Variants in RNFT2 observed in about 807,000 individuals in gnomAD.
RNFT2 encodes ring finger protein, transmembrane 2.
In RNFT2, 36 loss-of-function variants were observed where a neutral mutation model predicts 53.0. That is an observed-to-expected ratio of 0.68 (90% CI 0.52 to 0.90). RNFT2 has a LOEUF of 0.90. Ranked by LOEUF, RNFT2 falls within the 40% of genes least tolerant of loss-of-function variation. RNFT2 has a pLI of 0.00. For missense variants in RNFT2, 514 were observed against 585.6 expected, an observed-to-expected ratio of 0.88 and a Z score of 1.26; for synonymous variants, 260 against 253.2, an observed-to-expected ratio of 1.03 and a Z score of -0.26.
At chr12:116,748,754 G>T in intron 3 of RNFT2, 1 of 420,966 alleles carries the variant, frequency 2.4e-6, no homozygotes, top group South Asian at 1.7e-5. Flanking sequence ...GGTAATTCTA[G>T]AATCATAGAA....
At chr12:116,818,879 C>T (rs1045674811) in intron 7 of RNFT2, among the ~76,000 whole-genome samples, 2 of 152,164 alleles carry the variant, frequency 1.3e-5, no homozygotes, top group Admixed American at 1.3e-4. Flanking sequence ...CAAGTGGGAC[C>T]GTTACCACTG....
chr12:116,828,103 G>A (rs1240426260), intron 7 of RNFT2, among the ~76,000 whole-genome samples: 4 of 152,012 alleles, frequency 2.6e-5, no homozygotes, highest in Non-Finnish European at 5.9e-5. Flanking sequence ...GACGAAGCAG[G>A]AGGCTGCCCA....
At chr12:116,779,999 C>T (rs184158572) in intron 7 of RNFT2, among the ~76,000 whole-genome samples, 21 of 152,278 alleles carry the variant, frequency 1.4e-4, no homozygotes, top group Admixed American at 1.0e-3. Context: ...GAATCTGGAC[C>T]GAAGCAGGTG....
At chr12:116,832,138 A>ATATATAT (rs1479850265) in intron 7 of RNFT2, among the ~76,000 whole-genome samples, 2 of 60,084 alleles carry the variant, frequency 3.3e-5, no homozygotes, top group African/African-American at 1.2e-4. Context: ...CTCAAAAAAA[A>ATATATAT]AAAAAAAAAA....
At chr12:116,765,824 G>A (rs1156925559) in intron 5 of RNFT2, among the ~76,000 whole-genome samples, 4 of 152,148 alleles carry the variant, frequency 2.6e-5, no homozygotes, top group Non-Finnish European at 5.9e-5. Context: ...GGCATTCCAT[G>A]GAATGGTCAG....
rs1203678422 is a variant in RNFT2 at position 116,738,356 on chromosome 12, G to A, written c.-168G>A. On this transcript the variant is annotated 5_prime_UTR_variant, in exon 1 of 11. Transcript: ENST00000257575. ...CCTGAATGATGCGGCTGTGATTGCTGAATTGTCTGGGCAGGTAAAAAGAGA... is the reference window on the plus strand; with the variant it reads ...CCTGAATGATGCGGCTGTGATTGCTAAATTGTCTGGGCAGGTAAAAAGAGA... The A allele has an allele frequency of 6.6e-6, 1 of 151,886 alleles. No individual in the cohort carries two copies. Among genetic ancestry groups the A allele is most frequent in the African/African-American group, 2.4e-5 (1 of 41,358 alleles). The allele number at this position is 151,886 out of a possible 1,614,324, so 9.4% of individuals were successfully genotyped here. A position where few individuals can be genotyped will look rare whatever the true frequency, so the allele number is the denominator to read the frequency against.
chr12:116,788,812 GTGGATGGATGGATAGATGGATGGA>G (rs1213133094), intron 7 of RNFT2, among the ~76,000 whole-genome samples: 1 of 98,964 alleles, frequency 1.0e-5, no homozygotes, highest in East Asian at 2.9e-4. Flanking sequence ...GGGAAGTTTG[GTGGATGGATGGATAGATGGATGGA>G]TGGATGGATG....
rs953798091 is a variant in RNFT2, at chr12:116,849,316, C to T, written c.1203C>T (p.His401=). 9 of 1,538,362 alleles carry T rather than the reference C, an allele frequency of 5.9e-6. No homozygotes were observed. In the African/African-American group the frequency reaches 6.9e-5, roughly 12 times the overall value. The change falls in exon 11 of 11, where the codon CAC becomes CAT. Residue 401 remains histidine (H), a splice_region_variant and synonymous_variant. Coordinates refer to ENST00000257575, the MANE Select transcript of RNFT2 (RefSeq NM_001382266.1). ...FREPLILLCQ[H]VFCEECLCLW... is the part of the protein sequence containing the mutation. ...CCTGCTGATTGCTGTCCCCGCAGCA[C>T]GTGTTCTGTGAGGAGTGCCTCTGCC...
intron 4 of RNFT2, among the ~76,000 whole-genome samples, chr12:116,750,831 T>C (rs7967983): frequency 0.32 from 1,018 of 3,172 alleles, 50 homozygotes; most frequent in Non-Finnish European, 0.37. Flanking sequence ...ATATATATAA[T>C]ATATATATTA....
Position 116,852,256 on chromosome 12 carries a change from C to G in RNFT2, c.*2808C>G, listed in dbSNP as rs1476509102. ...GCTAGTGGGCAGATTACCATGCAAG[C>G]CCCAGGAGAAATGGAGGAGCTTTGT... is the stretch of plus-strand genomic sequence containing the variant. On this transcript the variant is annotated 3_prime_UTR_variant, in exon 11 of 11. Transcript: ENST00000257575. 7.9e-7 allele frequency: 1 copy of G among 1,265,262 alleles called. No individual in the cohort carries two copies. Among genetic ancestry groups the G allele is most frequent in the Non-Finnish European group, 1.0e-6 (1 of 1,004,064 alleles). 78.4% of individuals were successfully genotyped at this position (1,265,262 alleles called of 1,614,324 possible). A position where few individuals can be genotyped will look rare whatever the true frequency, so the allele number is the denominator to read the frequency against.
chr12:116,797,538 C>CAAAA (rs200259830), intron 7 of RNFT2, among the ~76,000 whole-genome samples: 43 of 131,152 alleles, frequency 3.3e-4, no homozygotes, highest in African/African-American at 1.1e-3. Flanking sequence ...CTGTCTATCT[C>CAAAA]AAAAAAAAAA....
chr12:116,751,249 T>C (rs953554563), intron 4 of RNFT2, among the ~76,000 whole-genome samples: 1 of 151,912 alleles, frequency 6.6e-6, no homozygotes, highest in African/African-American at 2.4e-5. Context: ...TTGAAATATT[T>C]AACATAGAGC....
At chr12:116,772,166 A>T (rs1478831455) in intron 6 of RNFT2, among the ~76,000 whole-genome samples, 1 of 152,146 alleles carries the variant, frequency 6.6e-6, no homozygotes, top group Non-Finnish European at 1.5e-5. Context: ...ATCATGGCTC[A>T]CTGCAGCCTT....
At chr12:116,745,175 T>A (rs1038274573) in intron 3 of RNFT2, among the ~76,000 whole-genome samples, 33 of 145,458 alleles carry the variant, frequency 2.3e-4, no homozygotes, top group Non-Finnish European at 4.5e-4. Context: ...TGCACCAGAT[T>A]TTTTTTTTTT....
At chr12:116,773,020 G>C (rs1157849883) in intron 6 of RNFT2, among the ~76,000 whole-genome samples, 2 of 151,788 alleles carry the variant, frequency 1.3e-5, no homozygotes, top group Admixed American at 6.6e-5. Flanking sequence ...GTAGAGACAG[G>C]GTTTCACCAA....
chr12:116,771,277 T>C (rs1190528367), intron 6 of RNFT2, among the ~76,000 whole-genome samples: 3 of 151,614 alleles, frequency 2.0e-5, no homozygotes, highest in African/African-American at 2.4e-5. Flanking sequence ...CTGGGCAACA[T>C]GGTGAGACTC....
At position 116,835,888 on chromosome 12, in the gene RNFT2, G is replaced by A. The variant is rs573579738; in HGVS notation, c.1033-72G>A. On this transcript the variant is annotated intron_variant, in intron 8 of 10. Coordinates refer to ENST00000257575, the MANE Select transcript of RNFT2 (RefSeq NM_001382266.1). The stretch of plus-strand genomic sequence containing the variant: ...AAATGGGTGGAGGGTCAGAGGATGG[G>A]GTGGGGTGATTGTGCAGGGGTCACG... 13 of 1,524,386 alleles carry A rather than the reference G, an allele frequency of 8.5e-6. No homozygotes were observed. In the East Asian group the frequency reaches 2.3e-4, roughly 26 times the overall value. 94.4% of individuals were successfully genotyped at this position (1,524,386 alleles called of 1,614,324 possible). A position where few individuals can be genotyped will look rare whatever the true frequency, so the allele number is the denominator to read the frequency against.
intron 7 of RNFT2, among the ~76,000 whole-genome samples, chr12:116,812,240 C>G (rs1875415917): frequency 6.6e-6 from 1 of 152,136 alleles, no homozygotes; most frequent in Non-Finnish European, 1.5e-5. Flanking sequence ...CCTGCTGCAG[C>G]CTTATCCAGG....
rs536454530 is a variant in RNFT2, at chr12:116,832,348, C to T, written c.883-1444C>T. Among the ~76,000 whole-genome samples, 8 of 151,898 alleles carry T rather than the reference C, an allele frequency of 5.3e-5. No individual in the cohort carries two copies. In the East Asian group the frequency reaches 1.4e-3, roughly 26 times the overall value. ...TCTTCCATGACTGTCTTCTTTGATT[C>T]GACATAATGTTTGTGACATTCACCC... On this transcript the variant is annotated intron_variant, in intron 7 of 10. Coordinates refer to ENST00000257575, the MANE Select transcript of RNFT2 (RefSeq NM_001382266.1).
Sources: allele counts gnomAD v4.1 joint callset (sites outside exome capture counted in the v4.1 genomes callset), GRCh38; gene constraint gnomAD v4.1.1; transcripts MANE v1.5; gene names NCBI Gene and HGNC (gene_info 2026-07-23, HGNC 2026-07-21).